PPIL2: variants seen among roughly 807,000 people sequenced by gnomAD.
The protein encoded by PPIL2 is RING-type E3 ubiquitin-protein ligase PPIL2.
A neutral mutation model predicts 75.2 loss-of-function variants in PPIL2; 50 were observed. The ratio of observed to expected loss-of-function variants is 0.66; its 90% CI spans 0.53 to 0.84. The LOEUF (loss-of-function observed/expected upper bound fraction) is 0.84, where lower values mean the gene tolerates loss of function less well. Ranked by LOEUF, PPIL2 falls within the 40% of genes least tolerant of loss-of-function variation. The pLI is 0.00. For synonymous variants in PPIL2, 245 were observed against 258.8 expected, an observed-to-expected ratio of 0.95 and a Z score of 0.51; for missense variants, 590 against 685.0, an observed-to-expected ratio of 0.86 and a Z score of 1.55.
chr22:21,696,119 G>C lies in PPIL2; in HGVS notation c.*629G>C. 1.0e-6 allele frequency: 1 copy of C among 992,114 alleles called. No individual in the cohort carries two copies. Among genetic ancestry groups the C allele is most frequent in the African/African-American group, 1.7e-5 (1 of 57,282 alleles). The allele number at this position is 992,114 out of a possible 1,614,324, so 61.5% of individuals were successfully genotyped here. ...CAGACCCCAGACTTACTGAGCCTAA[G>C]CCTCTGCAGGGTGGGCTTCTCGGTC... On this transcript the variant is annotated 3_prime_UTR_variant, in exon 20 of 20. Coordinates refer to ENST00000398831, the MANE Select transcript of PPIL2 (RefSeq NM_014337.4).
chr22:21,697,327 C>A lies in PPIL2; in HGVS notation c.*1837C>A, dbSNP rs925306186. On this transcript the variant is annotated 3_prime_UTR_variant, in exon 20 of 20. Transcript: ENST00000398831. ...AGGTTTGGAGAGGACCCTGTGCCCA[C>A]CCTGACAGACACCCTGGCTGGCCCT... is the stretch of plus-strand genomic sequence containing the variant. 3 of 293,210 alleles carry A rather than the reference C, an allele frequency of 1.0e-5. No individual in the cohort carries two copies. Among genetic ancestry groups the A allele is most frequent in the East Asian group, 8.3e-5 (1 of 12,116 alleles). The allele number at this position is 293,210 out of a possible 1,614,324, so 18.2% of individuals were successfully genotyped here. A position where few individuals can be genotyped will look rare whatever the true frequency, so the allele number is the denominator to read the frequency against.
At position 21,669,907 on chromosome 22, in the gene PPIL2, C is replaced by G; in HGVS notation, c.33-6C>G. ...GGTGGTAGCATTATCTTCCTCTCTTCTTCAGGTACATTACCTGTGCTGAAT... is the reference window on the plus strand; with the variant it reads ...GGTGGTAGCATTATCTTCCTCTCTTGTTCAGGTACATTACCTGTGCTGAAT... On this transcript the variant is annotated splice_polypyrimidine_tract_variant and splice_region_variant and intron_variant, in intron 1 of 19. Transcript: ENST00000398831. 1 of 1,613,336 alleles carries G rather than the reference C, an allele frequency of 6.2e-7. No homozygotes were observed. The highest frequency in any genetic ancestry group is 8.5e-7 in the Non-Finnish European group (1 of 1,179,208).
At chr22:21,687,156 A>G (rs1272959412) in intron 12 of PPIL2, among the ~76,000 whole-genome samples, 158 bp downstream of exon 12, 1 of 152,042 alleles carries the variant, frequency 6.6e-6, no homozygotes, top group Non-Finnish European at 1.5e-5. Context: ...TGTCCTTCCT[A>G]GGGGGCCGCG....
rs576536643 is a variant in PPIL2, at chr22:21,684,289, G to GAGACCATCCTGGC, written c.554-464_554-463insAGACCATCCTGGC. Among the ~76,000 whole-genome samples, 215 of 116,412 alleles carry GAGACCATCCTGGC rather than the reference G, an allele frequency of 1.8e-3. 3 individuals carry two copies. Among genetic ancestry groups the GAGACCATCCTGGC allele is most frequent in the Middle Eastern group, 4.5e-3 (1 of 220 alleles). 76.4% of individuals were successfully genotyped at this position (116,412 alleles called of 152,430 possible). ...AGGCGGATCACGAGGTTACAAGATT[G>GAGACCATCCTGGC]TAACACAAAAAAATTAGCCGGGCGT... On this transcript the variant is annotated intron_variant, in intron 9 of 19. Transcript: ENST00000398831.
At position 21,695,415 on chromosome 22, in the gene PPIL2, G is replaced by A; in HGVS notation, c.1488G>A (p.Glu496=). The A allele has an allele frequency of 6.2e-7, 1 of 1,609,676 alleles. No homozygotes were observed. Among genetic ancestry groups the A allele is most frequent in the Non-Finnish European group, 8.5e-7 (1 of 1,178,072 alleles). ...PAATKRAAEE[E]PSTSATVPMS... ...CCAGGAAGCGAGCAGCAGAGGAAGA[G>A]CCCTCAACCAGTGCCACTGTCCCCA... The change falls in exon 20 of 20, where the codon GAG becomes GAA. Residue 496 remains glutamate, a synonymous_variant. Transcript: ENST00000398831.
chr22:21,667,153 T>C (rs1388223587), intron 1 of PPIL2, among the ~76,000 whole-genome samples: 6 of 42,738 alleles, frequency 1.4e-4, no homozygotes, highest in African/African-American at 4.7e-4. Flanking sequence ...TCAGTCCTCA[T>C]TTTTTTTTTT....
chr22:21,666,469 C>T (rs1427089821), intron 1 of PPIL2, among the ~76,000 whole-genome samples: 3 of 152,174 alleles, frequency 2.0e-5, no homozygotes, highest in African/African-American at 7.2e-5. Flanking sequence ...TCGCTGTGTT[C>T]TGGTTCATGC....
At chr22:21,670,634 T>G (rs769401125) in intron 3 of PPIL2, 23 bp downstream of exon 3, 1 of 1,595,192 alleles carries the variant, frequency 6.3e-7, no homozygotes, top group Non-Finnish European at 8.6e-7. Context: ...CGAGTTTACC[T>G]TTCCCTTGTA....
chr22:21,698,088 T>C (rs962243676), downstream of PPIL2: 1 of 152,220 alleles, frequency 6.6e-6, no homozygotes, highest in Non-Finnish European at 1.5e-5. Context: ...ATAACTTAAA[T>C]AGAAGTCCTA....
intron 6 of PPIL2, among the ~76,000 whole-genome samples, chr22:21,677,936 G>A (rs982639145): frequency 1.3e-5 from 2 of 152,192 alleles, no homozygotes; most frequent in African/African-American, 4.8e-5. Context: ...CATCGGGGGA[G>A]TGCAGGGCCA....
At position 21,695,616 on chromosome 22, in the gene PPIL2, C is replaced by T; in HGVS notation, c.*126C>T. On this transcript the variant is annotated 3_prime_UTR_variant, in exon 20 of 20. Transcript: ENST00000398831. Reference sequence around the variant, plus strand: ...CAATAAATTGCTTGCCTGCTGCCTGCATCCCCTTTCCTGGCCCCTGGGAGC... The same window carrying T: ...CAATAAATTGCTTGCCTGCTGCCTGTATCCCCTTTCCTGGCCCCTGGGAGC... 6.7e-7 allele frequency: 1 copy of T among 1,495,008 alleles called. No homozygotes were observed. Among genetic ancestry groups the T allele is most frequent in the Non-Finnish European group, 8.9e-7 (1 of 1,118,658 alleles). 92.6% of individuals were successfully genotyped at this position (1,495,008 alleles called of 1,614,324 possible).
chr22:21,674,174 G>A (rs2066743210), intron 5 of PPIL2, among the ~76,000 whole-genome samples: 1 of 152,170 alleles, frequency 6.6e-6, no homozygotes, highest in South Asian at 2.1e-4. Context: ...CTGCTGGATT[G>A]TGGCCCTGAG....
At chr22:21,681,106 CT>C (rs1350576267) in intron 6 of PPIL2, among the ~76,000 whole-genome samples, 192 bp from the exon 7 acceptor site, 2 of 152,156 alleles carry the variant, frequency 1.3e-5, no homozygotes, top group African/African-American at 4.8e-5. Context: ...TAGGAGTTTC[CT>C]AACGGTGTGG....
Position 21,695,528 on chromosome 22 carries a change from G to A in PPIL2, c.*38G>A. ...CGCTGTGGACCTTGGTGGGGTTGCA[G>A]GGCTGGGGGCCCATGTCCACATCTC... On this transcript the variant is annotated 3_prime_UTR_variant, in exon 20 of 20. Transcript: ENST00000398831. 6.4e-7 allele frequency: 1 copy of A among 1,563,076 alleles called. No individual in the cohort carries two copies. The highest frequency in any genetic ancestry group is 8.7e-7 in the Non-Finnish European group (1 of 1,153,162).
intron 11 of PPIL2, 63 bp downstream of exon 11, chr22:21,686,621 G>C: frequency 6.7e-7 from 1 of 1,491,984 alleles, no homozygotes; most frequent in African/African-American, 1.4e-5. Flanking sequence ...GGGTGGGTGT[G>C]CTCCCCGACT....
At chr22:21,669,778 G>A (rs2066556502) in intron 1 of PPIL2, 135 bp from the exon 2 acceptor site, 4 of 876,440 alleles carry the variant, frequency 4.6e-6, no homozygotes, top group African/African-American at 1.7e-5. Flanking sequence ...GGGATTACAG[G>A]CGTTAGCCAC....
intron 9 of PPIL2, among the ~76,000 whole-genome samples, chr22:21,684,479 A>G (rs1333018601): frequency 6.6e-6 from 1 of 150,940 alleles, no homozygotes; most frequent in African/African-American, 2.4e-5. Flanking sequence ...AAAAAAAGAA[A>G]AAAAAAGCAA....
At position 21,693,040 on chromosome 22, in the gene PPIL2, C is replaced by T. The variant is rs1341423509; in HGVS notation, c.1140-776C>T. Among the ~76,000 whole-genome samples, 11 of 152,064 alleles carry T rather than the reference C, an allele frequency of 7.2e-5. No individual in the cohort carries two copies. In the East Asian group the frequency reaches 1.9e-3, roughly 27 times the overall value. ...AGTGCTGTTGGCTGTTTTAATTCCA[C>T]CCCATTTCCTTTTTTCTTTTTCTTT... On this transcript the variant is annotated intron_variant, in intron 15 of 19. Transcript: ENST00000398831.
chr22:21,694,796 C>A lies in PPIL2; in HGVS notation c.1311C>A (p.Pro437=). The A allele has an allele frequency of 6.2e-7, 1 of 1,605,062 alleles. No homozygotes were observed. Residue 437 remains proline, a synonymous_variant, in exon 18 of 20, where the codon CCC becomes CCA. Transcript: ENST00000398831. The part of the protein sequence containing the change: ...RIDATTVFVD[P]YEEADAQIAQ... ...ATGCCACTACAGTGTTCGTGGACCCCTATGAGGAGGCCGATGCCCAGGTGA... is the reference window on the plus strand; with the variant it reads ...ATGCCACTACAGTGTTCGTGGACCCATATGAGGAGGCCGATGCCCAGGTGA...
Sources: gnomAD v4.1 joint callset for allele counts (sites outside exome capture counted in the v4.1 genomes callset) on GRCh38, gnomAD v4.1.1 for gene constraint, MANE v1.5 for transcripts, NCBI Gene and HGNC (gene_info 2026-07-23, HGNC 2026-07-21) for gene names.